PDE8B: variants seen among roughly 807,000 people sequenced by gnomAD.
PDE8B encodes phosphodiesterase 8B, also known as high affinity cAMP-specific and IBMX-insensitive 3',5'-cyclic phosphodiesterase 8B.
PDE8B carries 26 observed loss-of-function variants against 101.3 expected under a neutral mutation model. The ratio of observed to expected loss-of-function variants is 0.26; its 90% CI spans 0.19 to 0.36. The LOEUF (loss-of-function observed/expected upper bound fraction) is 0.36. PDE8B is among the 10% of genes least tolerant of loss of function. PDE8B has a pLI of 1.00. For synonymous variants in PDE8B, 424 were observed against 429.3 expected (o/e 0.99, Z 0.15); for missense variants, 810 against 1,163.1 (o/e 0.70, Z 4.42).
intron 10 of PDE8B, among the ~76,000 whole-genome samples, chr5:77,376,893 G>A (rs1182991182): frequency 6.6e-6 from 1 of 152,046 alleles, no homozygotes; most frequent in Admixed American, 6.6e-5. Context: ...GTGTAACAGG[G>A]GTGGGGAAAT....
chr5:77,155,598 T>G, the PDE8B span, among the ~76,000 whole-genome samples: 20 of 152,250 alleles, frequency 1.3e-4, 2 homozygotes, highest in South Asian at 3.7e-3. Flanking sequence ...AGATGAAAGG[T>G]ATGAATTCGT....
chr5:77,112,983 A>G, the PDE8B span: 1 of 152,248 alleles, frequency 6.6e-6, no homozygotes, highest in African/African-American at 2.4e-5. Flanking sequence ...TTCTTCAAGG[A>G]GAACTACAAA....
At chr5:77,337,457 A>G (rs1269464412) in intron 6 of PDE8B, 142 bp downstream of exon 6, 2 of 690,216 alleles carry the variant, frequency 2.9e-6, no homozygotes, top group Non-Finnish European at 5.4e-6. Context: ...GCAGCTGGCC[A>G]ACAGCAGTAT....
chr5:77,168,245 A>G, the PDE8B span, among the ~76,000 whole-genome samples: 4,481 of 152,324 alleles, frequency 0.029, 88 homozygotes, highest in South Asian at 0.07. Context: ...ACACTCTGAC[A>G]GGGCATGGCA....
chr5:77,312,071 A>G lies in PDE8B; in HGVS notation c.399+18A>G, dbSNP rs772704436. ...CTATTCAGGTACGCCTCCTTTACTC[A>G]GCCCTGTGACTCAGATTATTTTCTT... On this transcript the variant is annotated intron_variant, in intron 2 of 21. Transcript: ENST00000264917. 7.1e-6 allele frequency: 11 copies of G among 1,554,118 alleles called. No homozygotes were observed. In the Admixed American group the frequency reaches 1.2e-4, roughly 17 times the overall value.
the PDE8B span, among the ~76,000 whole-genome samples, chr5:77,137,481 C>G: frequency 6.6e-6 from 1 of 152,138 alleles, no homozygotes; most frequent in Admixed American, 6.5e-5. Flanking sequence ...ATGCTCTGGC[C>G]AAGGCAGAGT....
intron 1 of PDE8B, among the ~76,000 whole-genome samples, chr5:77,278,850 A>G (rs1248634490): frequency 1.3e-5 from 2 of 152,158 alleles, no homozygotes; most frequent in South Asian, 2.1e-4. Flanking sequence ...TACGCTTTTT[A>G]TCTTTTTCTT....
At chr5:77,251,697 C>T (rs1444491963) in intron 1 of PDE8B, among the ~76,000 whole-genome samples, 1 of 152,202 alleles carries the variant, frequency 6.6e-6, no homozygotes, top group Admixed American at 6.5e-5. Context: ...ATCGCTCTCT[C>T]TCTTCCTTTT....
intron 1 of PDE8B, among the ~76,000 whole-genome samples, chr5:77,284,516 C>T (rs2149877344): frequency 6.6e-6 from 1 of 152,176 alleles, no homozygotes; most frequent in Non-Finnish European, 1.5e-5. Context: ...AATATGCAAA[C>T]AAAAGTTTAA....
chr5:77,186,203 C>T, the PDE8B span, among the ~76,000 whole-genome samples: 91 of 152,226 alleles, frequency 6.0e-4, 2 homozygotes, highest in African/African-American at 2.1e-3. Flanking sequence ...CCTGGTGTGC[C>T]CAGGAAGCAT....
chr5:77,215,016 C>T (rs180865109), intron 1 of PDE8B, among the ~76,000 whole-genome samples: 40 of 152,292 alleles, frequency 2.6e-4, no homozygotes, highest in Admixed American at 1.1e-3. Flanking sequence ...ATCTGGGGTA[C>T]TGGTCATAGC....
chr5:77,378,035 C>A (rs867637194), intron 10 of PDE8B, among the ~76,000 whole-genome samples: 37 of 136,122 alleles, frequency 2.7e-4, no homozygotes, highest in Admixed American at 1.4e-3. Flanking sequence ...CACACACACA[C>A]ACACACACAC....
At chr5:77,190,106 C>T in the PDE8B span, among the ~76,000 whole-genome samples, 3 of 152,180 alleles carry the variant, frequency 2.0e-5, no homozygotes, top group Admixed American at 6.5e-5. Flanking sequence ...GGTGCCTGTC[C>T]TTTGCCCATG....
intron 1 of PDE8B, among the ~76,000 whole-genome samples, chr5:77,237,529 C>G (rs1754937222): frequency 6.6e-6 from 1 of 152,026 alleles, no homozygotes; most frequent in African/African-American, 2.4e-5. Flanking sequence ...TCTTTTTTAT[C>G]CAATCTTCTT....
rs573569140 is a variant in PDE8B, at chr5:77,352,195, C to G, written c.1106+1042C>G. Reference sequence around the variant, plus strand: ...AGAGAGGCTGCCCCTCGGCCCTCCTCCTGAGCAGCCTGGCCTCAGCGTGGC... The same window carrying G: ...AGAGAGGCTGCCCCTCGGCCCTCCTGCTGAGCAGCCTGGCCTCAGCGTGGC... On this transcript the variant is annotated intron_variant, in intron 9 of 21. Transcript: ENST00000264917. 3.6e-4 allele frequency among the ~76,000 whole-genome samples: 55 copies of G among 152,318 alleles called. 1 individual carries two copies. In the South Asian group the frequency reaches 0.011, roughly 31 times the overall value.
the PDE8B span, chr5:77,166,742 G>C: frequency 6.6e-6 from 1 of 152,184 alleles, no homozygotes; most frequent in Non-Finnish European, 1.5e-5. Flanking sequence ...ACCAGGACTT[G>C]TCAGGGCCCA....
At chr5:77,134,190 G>A in the PDE8B span, 1 of 152,240 alleles carries the variant, frequency 6.6e-6, no homozygotes, top group Non-Finnish European at 1.5e-5. Flanking sequence ...GGTTACTAAA[G>A]GCACAGCTGG....
intron 1 of PDE8B, among the ~76,000 whole-genome samples, chr5:77,252,677 A>C (rs548559442): frequency 6.6e-6 from 1 of 152,238 alleles, no homozygotes; most frequent in East Asian, 1.9e-4. Context: ...CCTTTTTCCT[A>C]TATAAGAACT....
chr5:77,294,457 G>T (rs187089565), intron 1 of PDE8B, among the ~76,000 whole-genome samples: 76 of 152,232 alleles, frequency 5.0e-4, no homozygotes. Context: ...CAAACAGTAA[G>T]GACAAATGAG....
Sources: allele counts gnomAD v4.1 joint callset (sites outside exome capture counted in the v4.1 genomes callset), GRCh38; gene constraint gnomAD v4.1.1; transcripts MANE v1.5; gene names NCBI Gene and HGNC (gene_info 2026-07-23, HGNC 2026-07-21).